Variants in MS4A5 observed in about 807,000 individuals in gnomAD.
The protein encoded by MS4A5 is membrane-spanning 4-domains subfamily A member 5.
Under a neutral mutation model 18.2 loss-of-function variants are expected in MS4A5, and 15 were observed. That is an observed-to-expected ratio of 0.83 (90% confidence interval 0.55 to 1.27). MS4A5 has a LOEUF of 1.27. MS4A5 is among the 50% of genes most tolerant of loss of function. MS4A5 has a pLI of 0.00. For missense variants in MS4A5, 232 were observed against 225.7 expected (o/e 1.03, Z -0.18); for synonymous variants, 89 against 78.7 (o/e 1.13, Z -0.69).
intron 4 of MS4A5, among the ~76,000 whole-genome samples, chr11:60,442,144 A>C (rs2086116427): frequency 6.6e-6 from 1 of 152,238 alleles, no homozygotes; most frequent in Non-Finnish European, 1.5e-5. Flanking sequence ...AATGAACACT[A>C]CACCAAATAA....
intron 3 of MS4A5, 117 bp downstream of exon 3, chr11:60,432,584 A>C (rs1590830636): frequency 1.9e-6 from 1 of 524,760 alleles, no homozygotes; most frequent in South Asian, 2.3e-5. Flanking sequence ...TCAGGAGTTC[A>C]AGACCAGCCT....
In MS4A5 at chr11:60,440,399, T is replaced by A. The variant is rs1269905204; in HGVS notation, c.492+6482T>A. Among the ~76,000 whole-genome samples, 3 of 126,162 alleles carry A rather than the reference T, an allele frequency of 2.4e-5. No homozygotes were observed. The South Asian group carries it at 7.9e-4, about 33-fold the overall frequency. 82.8% of individuals were successfully genotyped at this position (126,162 alleles called of 152,430 possible). Reference sequence around the variant, plus strand: ...TTCATGTCTAAAACACCAAAAGCAATGGCAACAAAAGACAAAATTGACAAA... The same window carrying A: ...TTCATGTCTAAAACACCAAAAGCAAAGGCAACAAAAGACAAAATTGACAAA... On this transcript the variant is annotated intron_variant, in intron 4 of 4. Transcript: ENST00000300190.
chr11:60,442,151 A>T (rs1003445681), intron 4 of MS4A5, among the ~76,000 whole-genome samples: 11 of 152,224 alleles, frequency 7.2e-5, no homozygotes, highest in Admixed American at 2.0e-4. Context: ...ACTACACCAA[A>T]TAACTACAAT....
chr11:60,435,157 C>A (rs1257692715), intron 4 of MS4A5, among the ~76,000 whole-genome samples: 1 of 151,990 alleles, frequency 6.6e-6, no homozygotes, highest in Non-Finnish European at 1.5e-5. Flanking sequence ...TATGTGGTGC[C>A]CCTGGTACCT....
chr11:60,447,124 C>CCTATGCTATCCTATG (rs2086143292), intron 4 of MS4A5, among the ~76,000 whole-genome samples: 1 of 145,370 alleles, frequency 6.9e-6, no homozygotes, highest in African/African-American at 2.5e-5. Flanking sequence ...CCTATGCTAT[C>CCTATGCTATCCTATG]CTATGCTATG....
intron 4 of MS4A5, chr11:60,435,433 A>G (rs1478903407): frequency 9.1e-6 from 4 of 440,402 alleles, no homozygotes; most frequent in Non-Finnish European, 1.8e-5. Flanking sequence ...AGGAGCCAAG[A>G]TGGCCAAATA....
At chr11:60,444,066 A>G (rs2086127424) in intron 4 of MS4A5, among the ~76,000 whole-genome samples, 2 of 152,224 alleles carry the variant, frequency 1.3e-5, no homozygotes, top group Admixed American at 1.3e-4. Flanking sequence ...AAACAACACC[A>G]AACTGAATAC....
At chr11:60,432,307 A>T in intron 2 of MS4A5, 104 bp from the exon 3 acceptor site, 1 of 643,796 alleles carries the variant, frequency 1.6e-6, no homozygotes. Context: ...GAGTGTGTGA[A>T]CTTAGAAGGC....
At chr11:60,432,589 C>A (rs1021168412) in intron 3 of MS4A5, 122 bp downstream of exon 3, 4 of 499,264 alleles carry the variant, frequency 8.0e-6, no homozygotes, top group African/African-American at 2.0e-5. Context: ...AGTTCAAGAC[C>A]AGCCTGGCCA....
rs553558701 is a variant in MS4A5 at position 60,433,593 on chromosome 11, G to C, written c.340-172G>C. 2.6e-5 allele frequency among the ~76,000 whole-genome samples: 4 copies of C among 152,336 alleles called. No homozygotes were observed. In the South Asian group the frequency reaches 8.3e-4, roughly 32 times the overall value. The stretch of plus-strand genomic sequence containing the variant: ...GTTCACAAGATCCCCTTATTGTGTA[G>C]ATGAAGGCCTGAAGCCCAAAGATGT... On this transcript the variant is annotated intron_variant, in intron 3 of 4. Coordinates refer to ENST00000300190, the MANE Select transcript of MS4A5 (RefSeq NM_023945.3).
chr11:60,444,091 C>T (rs2086127507), intron 4 of MS4A5, among the ~76,000 whole-genome samples: 1 of 152,168 alleles, frequency 6.6e-6, no homozygotes, highest in Non-Finnish European at 1.5e-5. Context: ...AGTTCACTTC[C>T]CAACTCACGA....
chr11:60,441,519 C>T (rs1468763309), intron 4 of MS4A5, among the ~76,000 whole-genome samples: 10 of 118,848 alleles, frequency 8.4e-5, no homozygotes, highest in Non-Finnish European at 1.4e-4. Flanking sequence ...GACTTAGAAA[C>T]TCGACAAAAA....
At chr11:60,441,695 A>G (rs1035641037) in intron 4 of MS4A5, among the ~76,000 whole-genome samples, 4 of 151,502 alleles carry the variant, frequency 2.6e-5, no homozygotes, top group Non-Finnish European at 2.9e-5. Context: ...AAAGTGAACT[A>G]GAAGATTTTC....
At chr11:60,447,155 C>CTATGT (rs1415895823) in intron 4 of MS4A5, among the ~76,000 whole-genome samples, 3 of 87,134 alleles carry the variant, frequency 3.4e-5, no homozygotes, top group Non-Finnish European at 9.8e-5. Context: ...CTATGCTATC[C>CTATGT]TATGCTATCC....
chr11:60,444,862 G>A lies in MS4A5; in HGVS notation c.493-2787G>A, dbSNP rs2120183. On this transcript the variant is annotated intron_variant, in intron 4 of 4. Coordinates refer to ENST00000300190, the MANE Select transcript of MS4A5 (RefSeq NM_023945.3). The stretch of plus-strand genomic sequence containing the variant: ...AACCACCTTGGAAAACTATTGGGTG[G>A]TTTTTTAAAAAGTTAATCATACACC... Among the ~76,000 whole-genome samples the A allele has an allele frequency of 3.0e-3, 462 of 152,208 alleles. 1 individual carries two copies. The highest frequency in any genetic ancestry group is 0.011 in the African/African-American group (440 of 41,500).
rs763863048 is a variant in MS4A5 at position 60,432,472 on chromosome 11, G to C, written c.339+5G>C. Reference sequence around the variant, plus strand: ...AGAAAAACCACAGAAACTCTGGTGAGTTATATTCTTACTTTATTAAAAATA... The same window carrying C: ...AGAAAAACCACAGAAACTCTGGTGACTTATATTCTTACTTTATTAAAAATA... On this transcript the variant is annotated splice_donor_5th_base_variant and intron_variant, in intron 3 of 4. Transcript: ENST00000300190. The C allele has an allele frequency of 5.8e-6, 9 of 1,551,964 alleles. No homozygotes were observed. Among genetic ancestry groups the C allele is most frequent in the Non-Finnish European group, 8.0e-6 (9 of 1,128,826 alleles).
At chr11:60,436,526 A>C (rs1436562347) in intron 4 of MS4A5, among the ~76,000 whole-genome samples, 1 of 135,704 alleles carries the variant, frequency 7.4e-6, no homozygotes, top group Middle Eastern at 3.5e-3. Context: ...AACTTTGAAA[A>C]AAATTTAGAA....
chr11:60,431,308 C>A (rs1029408304), intron 2 of MS4A5, among the ~76,000 whole-genome samples: 5 of 152,096 alleles, frequency 3.3e-5, no homozygotes, highest in Admixed American at 6.6e-5. Flanking sequence ...CACAGAGGTG[C>A]AGGAAATGCT....
intron 4 of MS4A5, among the ~76,000 whole-genome samples, chr11:60,438,681 G>A (rs1437039964): frequency 6.6e-6 from 1 of 151,942 alleles, no homozygotes; most frequent in Non-Finnish European, 1.5e-5. Context: ...TAGAAGAAAT[G>A]GATAAATTCC....
Sources: gnomAD v4.1 joint callset for allele counts (sites outside exome capture counted in the v4.1 genomes callset) on GRCh38, gnomAD v4.1.1 for gene constraint, MANE v1.5 for transcripts, NCBI Gene and HGNC (gene_info 2026-07-23, HGNC 2026-07-21) for gene names.